ANK3: variants seen among roughly 807,000 people sequenced by gnomAD.
ANK3 encodes ankyrin-3.
A neutral mutation model predicts 370.9 loss-of-function variants in ANK3; 57 were observed. The ratio of observed to expected loss-of-function variants is 0.15; its 90% CI spans 0.12 to 0.19. The LOEUF (loss-of-function observed/expected upper bound fraction) is 0.19, where lower values mean the gene tolerates loss of function less well. Among genes scored for constraint, ANK3 ranks in the 10% least tolerant of loss-of-function variants. The probability of loss-of-function intolerance (pLI) is 1.00; values close to 1 mark genes in which losing one functional copy is unlikely to be tolerated. For synonymous variants in ANK3, 1,929 were observed against 1,946.3 expected (o/e 0.99, Z 0.23); for missense variants, 4,439 against 5,302.1 (o/e 0.84, Z 5.06).
At chr10:60,664,690 C>A (rs1012199095) in intron 1 of ANK3, among the ~76,000 whole-genome samples, 5 of 152,112 alleles carry the variant, frequency 3.3e-5, no homozygotes, top group Non-Finnish European at 7.4e-5. Context: ...ATGCAAAATT[C>A]TAACAATGAC....
At chr10:60,264,378 G>C (rs1017995114) in intron 5 of ANK3, among the ~76,000 whole-genome samples, 1 of 152,072 alleles carries the variant, frequency 6.6e-6, no homozygotes, top group African/African-American at 2.4e-5. Context: ...AGGTGCGGTG[G>C]CTCATGCCTG....
At chr10:60,613,284 C>A (rs897922118) in intron 2 of ANK3, among the ~76,000 whole-genome samples, 1 of 152,010 alleles carries the variant, frequency 6.6e-6, no homozygotes, top group African/African-American at 2.4e-5. Flanking sequence ...TTTTATTTAT[C>A]CAATTATATC....
intron 2 of ANK3, among the ~76,000 whole-genome samples, chr10:60,417,422 A>C (rs1254263492): frequency 1.3e-5 from 2 of 152,214 alleles, no homozygotes; most frequent in African/African-American, 2.4e-5. Flanking sequence ...CTGACTATCC[A>C]GCTAGTTTAC....
intron 2 of ANK3, among the ~76,000 whole-genome samples, chr10:60,412,052 T>C (rs982790849): frequency 2.0e-5 from 3 of 152,108 alleles, no homozygotes; most frequent in Non-Finnish European, 4.4e-5. Flanking sequence ...AAGTGGCTCG[T>C]AGAGGGTATG....
chr10:60,712,977 A>G (rs2079730800), intron 1 of ANK3, among the ~76,000 whole-genome samples: 1 of 152,212 alleles, frequency 6.6e-6, no homozygotes. Flanking sequence ...TAAAAGAACA[A>G]CAAGGAGAAA....
intron 4 of ANK3, among the ~76,000 whole-genome samples, chr10:60,276,381 A>G (rs1008475407): frequency 6.6e-6 from 1 of 152,194 alleles, no homozygotes; most frequent in Non-Finnish European, 1.5e-5. Context: ...TCTTTATAAC[A>G]GTTCCTACTG....
intron 1 of ANK3, among the ~76,000 whole-genome samples, chr10:60,704,557 A>G (rs2079587616): frequency 6.6e-6 from 1 of 152,208 alleles, no homozygotes; most frequent in Non-Finnish European, 1.5e-5. Context: ...AGCAATAGAT[A>G]ATGGGGGTGA....
In ANK3 at chr10:60,029,232, G is replaced by A. The variant is rs908689763; in HGVS notation, c.*614C>T. ...CAGAATCCCTCCCTCCTCTTCTAGG[G>A]TGAAGTCACTTGAGACCCCTATTTG... On this transcript the variant is annotated 3_prime_UTR_variant, in exon 44 of 44. Transcript: ENST00000280772. 9 of 152,332 alleles carry A rather than the reference G, an allele frequency of 5.9e-5. No homozygotes were observed. The East Asian group carries it at 1.7e-3, about 29-fold the overall frequency. The allele number at this position is 152,332 out of a possible 1,614,324, so 9.4% of individuals were successfully genotyped here.
At chr10:60,276,101 A>T (rs1458508448) in intron 4 of ANK3, among the ~76,000 whole-genome samples, 2 of 152,204 alleles carry the variant, frequency 1.3e-5, no homozygotes, top group Non-Finnish European at 2.9e-5. Flanking sequence ...GACAAAAATT[A>T]CTTTAAAATC....
At chr10:60,508,469 C>T (rs1048528412) in intron 2 of ANK3, 1 of 152,608 alleles carries the variant, frequency 6.6e-6, no homozygotes, top group African/African-American at 2.4e-5. Context: ...AAAACCAGCA[C>T]TTACCCTCTC....
chr10:60,701,267 AAAC>A (rs1564584329), intron 1 of ANK3, among the ~76,000 whole-genome samples: 2 of 152,178 alleles, frequency 1.3e-5, no homozygotes, highest in Non-Finnish European at 2.9e-5. Context: ...TGAGAAAAAA[AAAC>A]ATTTTCATAT....
intron 42 of ANK3, 148 bp downstream of exon 42, chr10:60,055,510 A>C: frequency 1.8e-6 from 2 of 1,086,368 alleles, no homozygotes; most frequent in Non-Finnish European, 2.6e-6. Flanking sequence ...TACTTTCTTT[A>C]CCTCCACCAT....
intron 1 of ANK3, among the ~76,000 whole-genome samples, chr10:60,664,100 C>T (rs746424052): frequency 2.0e-5 from 3 of 152,186 alleles, no homozygotes; most frequent in Non-Finnish European, 2.9e-5. Context: ...GCTGTCAGGG[C>T]GCAAAGCAGA....
intron 2 of ANK3, among the ~76,000 whole-genome samples, chr10:60,415,607 G>C (rs913574506): frequency 7.2e-5 from 11 of 152,036 alleles, no homozygotes; most frequent in African/African-American, 2.4e-4. Context: ...GAAGAGGCTT[G>C]ATCATCCAAT....
intron 25 of ANK3, among the ~76,000 whole-genome samples, chr10:60,132,780 C>T (rs2094153690): frequency 6.7e-6 from 1 of 149,114 alleles, no homozygotes; most frequent in Non-Finnish European, 1.5e-5. Context: ...CGACACCTGG[C>T]TAATTTTTGT....
rs1395970554 is a variant in ANK3, at chr10:60,070,178, C to T, written c.10703G>A (p.Gly3568Glu). Residue 3568 changes from glycine to glutamate, a missense_variant, in exon 37 of 44, where the codon GGG becomes GAG. Physicochemically the swap from Gly to Glu is moderately conservative, Grantham distance 98. Around this residue, in one of 13 missense-constraint regions of ANK3, gnomAD observed 1,601 missense variants for 1,731.7 expected, o/e 0.92. Coordinates refer to ENST00000280772, the MANE Select transcript of ANK3 (RefSeq NM_020987.5). The surrounding 1 kb of genome is among the most constrained non-coding windows in gnomAD (Gnocchi z 5.7). Reference sequence around the variant, plus strand: ...TGGAGAGCGGTCTTCTACCGCCAGCCCAAATGGCTTAGTTTCATCTTCCCG... The same window carrying T: ...TGGAGAGCGGTCTTCTACCGCCAGCTCAAATGGCTTAGTTTCATCTTCCCG... ...KSREDETKPF[G>E]LAVEDRSPAT... 1.2e-6 allele frequency: 2 copies of T among 1,614,096 alleles called. No homozygotes were observed. Among genetic ancestry groups the T allele is most frequent in the East Asian group, 4.5e-5 (2 of 44,862 alleles).
rs72388493 is a variant in ANK3, at chr10:60,235,550, GT to G, written c.799-765del. Among the ~76,000 whole-genome samples, 332 of 115,040 alleles carry G rather than the reference GT, an allele frequency of 2.9e-3. 1 individual carries two copies. Among genetic ancestry groups the G allele is most frequent in the African/African-American group, 5.4e-3 (163 of 29,984 alleles). The allele number at this position is 115,040 out of a possible 152,430, so 75.5% of individuals were successfully genotyped here. A position where few individuals can be genotyped will look rare whatever the true frequency, so the allele number is the denominator to read the frequency against. ...ATCAAAAACAATTCCCTGATTTCTT[GT>G]TTTTTTTTTTTTTTTTTTTTTTTTT... On this transcript the variant is annotated intron_variant, in intron 7 of 43. Transcript: ENST00000280772.
chr10:60,269,293 T>G (rs766006525), intron 5 of ANK3, among the ~76,000 whole-genome samples: 5 of 152,218 alleles, frequency 3.3e-5, no homozygotes. Flanking sequence ...AATTATTCTA[T>G]TCTAGACAGC....
At chr10:60,185,192 A>T (rs1369814227) in intron 17 of ANK3, among the ~76,000 whole-genome samples, 2 of 152,288 alleles carry the variant, frequency 1.3e-5, no homozygotes, top group South Asian at 4.1e-4. Flanking sequence ...ACCAAAAAAG[A>T]TTTTCACAAT....
Sources: gnomAD v4.1 joint callset for allele counts (sites outside exome capture counted in the v4.1 genomes callset) on GRCh38, gnomAD v4.1.1 for gene constraint, gnomAD v4.1.1 regional missense constraint, Gnocchi (gnomAD v3.1) non-coding constraint, MANE v1.5 for transcripts, NCBI Gene and HGNC (gene_info 2026-07-23, HGNC 2026-07-21) for gene names.